Variants in ADAMTS3 observed in about 807,000 individuals in gnomAD.
ADAMTS3 encodes the protein ADAM metallopeptidase with thrombospondin type 1 motif 3, also known as A disintegrin and metalloproteinase with thrombospondin motifs 3.
A neutral mutation model predicts 129.0 loss-of-function variants in ADAMTS3; 73 were observed. The observed-to-expected ratio is 0.57, with a 90% CI of 0.47 to 0.69. The LOEUF (loss-of-function observed/expected upper bound fraction) is 0.69, where lower values mean the gene tolerates loss of function less well. Ranked by LOEUF, ADAMTS3 falls within the 30% of genes least tolerant of loss-of-function variation. ADAMTS3 has a pLI of 0.00. For synonymous variants in ADAMTS3, 477 were observed against 510.8 expected, an observed-to-expected ratio of 0.93 and a Z score of 0.89; for missense variants, 1,457 against 1,514.5, an observed-to-expected ratio of 0.96 and a Z score of 0.63.
chr4:72,354,692 C>T (rs113927927), intron 4 of ADAMTS3, among the ~76,000 whole-genome samples: 23 of 151,988 alleles, frequency 1.5e-4, no homozygotes, highest in Non-Finnish European at 2.8e-4. Flanking sequence ...TCAAGTCATT[C>T]GCTTATCTCA....
At chr4:72,455,888 T>A (rs1291724880) in intron 3 of ADAMTS3, among the ~76,000 whole-genome samples, 3 of 121,750 alleles carry the variant, frequency 2.5e-5, no homozygotes, top group African/African-American at 9.0e-5. Flanking sequence ...ACTATATATA[T>A]TTTATATATA....
At chr4:72,506,687 G>A (rs1037442255) in intron 3 of ADAMTS3, among the ~76,000 whole-genome samples, 2 of 152,310 alleles carry the variant, frequency 1.3e-5, no homozygotes, top group Admixed American at 6.5e-5. Context: ...GGGAGAAACA[G>A]AGCGTTCTTC....
At chr4:72,329,591 TTG>T (rs951611123) in intron 5 of ADAMTS3, among the ~76,000 whole-genome samples, 1 of 152,132 alleles carries the variant, frequency 6.6e-6, no homozygotes, top group South Asian at 2.1e-4. Flanking sequence ...TTGCTCTATG[TTG>T]TGTTTTGTTG....
intron 3 of ADAMTS3, among the ~76,000 whole-genome samples, chr4:72,492,047 T>G (rs1453908127): frequency 6.6e-6 from 1 of 151,712 alleles, no homozygotes; most frequent in East Asian, 1.9e-4. Flanking sequence ...AATCTAGTTT[T>G]TCGGGATATA....
chr4:72,368,835 T>C lies in ADAMTS3; in HGVS notation c.662-29142A>G, dbSNP rs76109778. Among the ~76,000 whole-genome samples, 6 of 152,318 alleles carry C rather than the reference T, an allele frequency of 3.9e-5. No individual in the cohort carries two copies. The East Asian group carries it at 1.2e-3, about 29-fold the overall frequency. On this transcript the variant is annotated intron_variant, in intron 4 of 21. Coordinates refer to ENST00000286657, the MANE Select transcript of ADAMTS3 (RefSeq NM_014243.3). Reference sequence around the variant, plus strand: ...CAATTCTAAAGTGTACTACATATGATATAGAGTCATCATATGAACTTTAGA... The same window carrying C: ...CAATTCTAAAGTGTACTACATATGACATAGAGTCATCATATGAACTTTAGA...
chr4:72,495,193 T>G (rs1352250520), intron 3 of ADAMTS3, among the ~76,000 whole-genome samples: 2 of 152,086 alleles, frequency 1.3e-5, no homozygotes, highest in Non-Finnish European at 2.9e-5. Context: ...CCACAGCACT[T>G]GGAACCATGG....
At chr4:72,544,782 AT>A (rs1721423662) in intron 3 of ADAMTS3, among the ~76,000 whole-genome samples, 1 of 152,220 alleles carries the variant, frequency 6.6e-6, no homozygotes, top group African/African-American at 2.4e-5. Context: ...AATAGAAAGC[AT>A]TACTTTTCAG....
chr4:72,372,877 CA>C (rs908213439), intron 4 of ADAMTS3, among the ~76,000 whole-genome samples: 3 of 151,864 alleles, frequency 2.0e-5, no homozygotes, highest in African/African-American at 7.3e-5. Flanking sequence ...AATTTTTATC[CA>C]AAAATTACGG....
intron 3 of ADAMTS3, among the ~76,000 whole-genome samples, chr4:72,444,519 TG>T (rs1220731740): frequency 1.3e-5 from 2 of 151,828 alleles, no homozygotes; most frequent in Non-Finnish European, 2.9e-5. Context: ...GGGATTTATG[TG>T]TATGTACATT....
intron 3 of ADAMTS3, among the ~76,000 whole-genome samples, chr4:72,534,181 G>A (rs1218349578): frequency 6.6e-6 from 1 of 152,108 alleles, no homozygotes; most frequent in Non-Finnish European, 1.5e-5. Flanking sequence ...CAAAAAATTA[G>A]CCGGGCGTGG....
intron 4 of ADAMTS3, among the ~76,000 whole-genome samples, chr4:72,396,838 G>A (rs1721737991): frequency 6.6e-6 from 1 of 152,154 alleles, no homozygotes; most frequent in Non-Finnish European, 1.5e-5. Flanking sequence ...GATTAGGTAG[G>A]AGTCAGGGGA....
At chr4:72,404,760 G>A (rs1200398354) in intron 4 of ADAMTS3, among the ~76,000 whole-genome samples, 2 of 151,536 alleles carry the variant, frequency 1.3e-5, no homozygotes, top group Non-Finnish European at 2.9e-5. Context: ...TATCTGATAT[G>A]AGAATAATAT....
At chr4:72,295,622 C>T (rs776051129) in intron 19 of ADAMTS3, 32 bp downstream of exon 19, 2 of 1,582,420 alleles carry the variant, frequency 1.3e-6, no homozygotes, top group Non-Finnish European at 8.6e-7. Flanking sequence ...TGATTTTGAC[C>T]TCCAGATATG....
At chr4:72,296,393 G>C (rs934309394) in intron 18 of ADAMTS3, among the ~76,000 whole-genome samples, 1 of 151,992 alleles carries the variant, frequency 6.6e-6, no homozygotes, top group Non-Finnish European at 1.5e-5. Context: ...ACAAGTTTCT[G>C]GACATTATCC....
chr4:72,387,021 A>G (rs927098756), intron 4 of ADAMTS3, among the ~76,000 whole-genome samples: 1 of 152,230 alleles, frequency 6.6e-6, no homozygotes, highest in African/African-American at 2.4e-5. Context: ...AAATCTCAAA[A>G]ACCTATTCTT....
intron 3 of ADAMTS3, among the ~76,000 whole-genome samples, chr4:72,538,025 A>G (rs1254529831): frequency 6.6e-6 from 1 of 152,202 alleles, no homozygotes; most frequent in African/African-American, 2.4e-5. Flanking sequence ...AGGAATTCAA[A>G]GGCAGATTTG....
At chr4:72,470,672 C>T (rs1412199211) in intron 3 of ADAMTS3, among the ~76,000 whole-genome samples, 1 of 152,070 alleles carries the variant, frequency 6.6e-6, no homozygotes, top group Non-Finnish European at 1.5e-5. Flanking sequence ...ACCTTTTTCA[C>T]TGTGTTGATA....
chr4:72,530,022 TTATATATAAATATA>T lies in ADAMTS3; in HGVS notation c.504+18442_504+18455del, dbSNP rs1720945335. ...ATATATAATATATAATATATTATAT[TTATATATAAATATA>T]ATATATTATATTTATATATAATATG... On this transcript the variant is annotated intron_variant, in intron 3 of 21. Transcript: ENST00000286657. Among the ~76,000 whole-genome samples the T allele has an allele frequency of 9.6e-3, 6 of 624 alleles. 3 individuals carry two copies. The highest frequency in any genetic ancestry group is 0.012 in the African/African-American group (6 of 520). 0.4% of individuals were successfully genotyped at this position (624 alleles called of 152,430 possible). A position where few individuals can be genotyped will look rare whatever the true frequency, so the allele number is the denominator to read the frequency against.
intron 3 of ADAMTS3, among the ~76,000 whole-genome samples, chr4:72,514,860 G>GT (rs1720416758): frequency 6.6e-6 from 1 of 151,634 alleles, no homozygotes; most frequent in Admixed American, 6.6e-5. Flanking sequence ...TATACTTTAA[G>GT]TTTTAGGGTA....
Sources: gnomAD v4.1 joint callset for allele counts (sites outside exome capture counted in the v4.1 genomes callset) on GRCh38, gnomAD v4.1.1 for gene constraint, MANE v1.5 for transcripts, NCBI Gene and HGNC (gene_info 2026-07-23, HGNC 2026-07-21) for gene names.